FBXL14: variants seen among roughly 807,000 people sequenced by gnomAD.
FBXL14 encodes F-box and leucine rich repeat protein 14.
FBXL14 carries 11 observed loss-of-function variants against 24.5 expected under a neutral mutation model. The ratio of observed to expected loss-of-function variants is 0.45; its 90% confidence interval spans 0.28 to 0.74. The LOEUF is 0.74. Among genes scored for constraint, FBXL14 ranks in the 30% least tolerant of loss-of-function variants. The pLI, the probability that FBXL14 is intolerant of heterozygous loss-of-function variation, is 0.12. For missense variants in FBXL14, 384 were observed against 545.6 expected (o/e 0.70, Z 2.95); for synonymous variants, 294 against 240.4 (o/e 1.22, Z -2.06).
chr12:1,569,999 A>C lies in FBXL14; in HGVS notation c.1195-3189T>G, dbSNP rs997547184. ...CTTTTCAGACAAGAAGGAGGCTTTT[A>C]TGAGGTTCAGATTCTTCCTAAGAGA... On this transcript the variant is annotated intron_variant, in intron 1 of 1. Coordinates refer to ENST00000339235, the MANE Select transcript of FBXL14 (RefSeq NM_152441.3). The surrounding 1 kb of genome is among the most constrained non-coding windows in gnomAD (Gnocchi z 4.2). Among the ~76,000 whole-genome samples, 1 of 152,196 alleles carries C rather than the reference A, an allele frequency of 6.6e-6. No individual in the cohort carries two copies. Among genetic ancestry groups the C allele is most frequent in the Non-Finnish European group, 1.5e-5 (1 of 68,038 alleles).
At chr12:1,576,418 A>G (rs142928635) in intron 1 of FBXL14, among the ~76,000 whole-genome samples, 156 of 152,240 alleles carry the variant, frequency 1.0e-3, no homozygotes, top group African/African-American at 3.3e-3. Context: ...GTGGGGAGAG[A>G]CCACGAGGGC....
At chr12:1,580,323 C>A (rs1040275655) in intron 1 of FBXL14, among the ~76,000 whole-genome samples, 5 of 152,168 alleles carry the variant, frequency 3.3e-5, no homozygotes, top group Admixed American at 3.3e-4. Context: ...GGATCCCGTT[C>A]AATAGCGGTT....
chr12:1,590,395 A>G (rs1277924459), intron 1 of FBXL14, among the ~76,000 whole-genome samples: 1 of 152,166 alleles, frequency 6.6e-6, no homozygotes, highest in Non-Finnish European at 1.5e-5. Flanking sequence ...GATCCAGGAA[A>G]GTTTTATACT....
At position 1,566,577 on chromosome 12, in the gene FBXL14, A is replaced by G; in HGVS notation, c.*171T>C. ...TGTCCCCAGAACTGGAGAAACCGGC[A>G]GGAGAATGCAGCTTCACAAGGTACC... On this transcript the variant is annotated 3_prime_UTR_variant, in exon 2 of 2. Transcript: ENST00000339235. The G allele has an allele frequency of 1.7e-6, 1 of 596,988 alleles. No individual in the cohort carries two copies. The allele number at this position is 596,988 out of a possible 1,614,324, so 37.0% of individuals were successfully genotyped here. A position where few individuals can be genotyped will look rare whatever the true frequency, so the allele number is the denominator to read the frequency against.
At chr12:1,587,595 T>C (rs1412331427) in intron 1 of FBXL14, 1 of 152,236 alleles carries the variant, frequency 6.6e-6, no homozygotes, top group African/African-American at 2.4e-5. Context: ...TTACCAATTG[T>C]CTAGAAATTC....
chr12:1,593,695 C>G lies in FBXL14; in HGVS notation c.372G>C (p.Leu124=), dbSNP rs753796747. ...TGTCAGTGATCTGCTTGCAGAGGCT[C>G]AGGTTGAGAGCGCGCAGGGAGCCGA... The part of the protein sequence containing the change: ...QEIGSLRALN[L]SLCKQITDSS... The change falls in exon 1 of 2, where the codon CTG becomes CTC. Residue 124 remains leucine (L), a synonymous_variant. Coordinates refer to ENST00000339235, the MANE Select transcript of FBXL14 (RefSeq NM_152441.3). The surrounding 1 kb of genome is among the most constrained non-coding windows in gnomAD (Gnocchi z 7.4). The G allele has an allele frequency of 9.3e-6, 15 of 1,614,160 alleles. No individual in the cohort carries two copies. Among genetic ancestry groups the G allele is most frequent in the Non-Finnish European group, 1.1e-5 (13 of 1,180,032 alleles).
chr12:1,590,581 T>A (rs2094487226), intron 1 of FBXL14, among the ~76,000 whole-genome samples: 1 of 152,176 alleles, frequency 6.6e-6, no homozygotes, highest in African/African-American at 2.4e-5. Flanking sequence ...CAAAGGGAAC[T>A]CTTGCTGGAA....
chr12:1,591,988 A>G (rs1221658740), intron 1 of FBXL14, among the ~76,000 whole-genome samples: 1 of 152,046 alleles, frequency 6.6e-6, no homozygotes, highest in Non-Finnish European at 1.5e-5. Flanking sequence ...AAGGAGAAAA[A>G]GGAAATTATA....
intron 1 of FBXL14, among the ~76,000 whole-genome samples, chr12:1,581,154 C>A (rs1191792647): frequency 6.6e-6 from 1 of 151,836 alleles, no homozygotes; most frequent in Non-Finnish European, 1.5e-5. Flanking sequence ...ACAGGAAATT[C>A]AGAAACTGGG....
At chr12:1,588,241 G>A (rs1008554731) in intron 1 of FBXL14, among the ~76,000 whole-genome samples, 8 of 151,988 alleles carry the variant, frequency 5.3e-5, no homozygotes, top group African/African-American at 1.9e-4. Flanking sequence ...ACTTGAATTC[G>A]AATTCTCTAA....
chr12:1,582,596 TA>T (rs2094468872), intron 1 of FBXL14, among the ~76,000 whole-genome samples: 4 of 152,246 alleles, frequency 2.6e-5, no homozygotes, highest in Non-Finnish European at 5.9e-5. Context: ...TCTGCTTTCA[TA>T]AGACCTTCAC....
chr12:1,571,718 C>A (rs1157037812), intron 1 of FBXL14, among the ~76,000 whole-genome samples: 1 of 152,180 alleles, frequency 6.6e-6, no homozygotes, highest in Admixed American at 6.5e-5. Context: ...CTAGATTTCT[C>A]ACCAGCAAGG....
intron 1 of FBXL14, among the ~76,000 whole-genome samples, chr12:1,576,951 T>C (rs546015441): frequency 4.6e-5 from 7 of 152,266 alleles, no homozygotes; most frequent in Non-Finnish European, 1.0e-4. Context: ...ATTGTGAAAC[T>C]GCTGCAATGC....
At chr12:1,571,499 C>T (rs916181788) in intron 1 of FBXL14, among the ~76,000 whole-genome samples, 7 of 152,296 alleles carry the variant, frequency 4.6e-5, no homozygotes, top group South Asian at 2.1e-4. Context: ...TGAGCCACCG[C>T]GCCCAGCCAG....
rs559883431 is a variant in FBXL14 at position 1,594,146 on chromosome 12, G to A, written c.-80C>T. On this transcript the variant is annotated 5_prime_UTR_variant, in exon 1 of 2. Transcript: ENST00000339235. ...CCGGCCTCGGGCAGGCGACGAGAGC[G>A]CTTCTCCCCAGCCGCCGCCGCCGCC... 492 of 1,140,838 alleles carry A rather than the reference G, an allele frequency of 4.3e-4. No homozygotes were observed. The highest frequency in any genetic ancestry group is 5.1e-4 in the Non-Finnish European group (470 of 917,890). The allele number at this position is 1,140,838 out of a possible 1,614,324, so 70.7% of individuals were successfully genotyped here.
At position 1,593,763 on chromosome 12, in the gene FBXL14, T is replaced by G. The variant is rs117331652; in HGVS notation, c.304A>C (p.Asn102His). The change falls in exon 1 of 2, where the codon AAC (asparagine) becomes CAC (histidine). Residue 102 changes from asparagine (N) to histidine (H), a missense_variant. Transcript: ENST00000339235. The surrounding 1 kb of genome is among the most constrained non-coding windows in gnomAD (Gnocchi z 7.4). The part of the protein sequence containing the change: ...IESLNLSGCY[N>H]LTDNGLGHAF... The stretch of plus-strand genomic sequence containing the variant: ...TGGCCCAGCCCGTTGTCGGTGAGGT[T>G]GTAGCAGCCGCTGAGGTTGAGGCTC... The G allele has an allele frequency of 4.6e-3, 7,502 of 1,614,136 alleles. 29 individuals carry two copies. Among genetic ancestry groups the G allele is most frequent in the Non-Finnish European group, 5.9e-3 (6,963 of 1,180,020 alleles).
intron 1 of FBXL14, chr12:1,587,323 G>A (rs867641073): frequency 2.6e-5 from 4 of 151,594 alleles, no homozygotes; most frequent in Admixed American, 2.0e-4. Flanking sequence ...AAGAAAATAT[G>A]TGCACTTTTC....
At chr12:1,573,110 T>G (rs763264226) in intron 1 of FBXL14, among the ~76,000 whole-genome samples, 3 of 152,084 alleles carry the variant, frequency 2.0e-5, no homozygotes, top group Non-Finnish European at 4.4e-5. Flanking sequence ...AATAGTTGGG[T>G]CTGTGGGTCC....
chr12:1,567,218 T>A lies in FBXL14; in HGVS notation c.1195-408A>T, dbSNP rs1044162426. ...TGGCTGACGCCTGTAATCCCAGCAC[T>A]TTGGGAGGTCGAAGCGGGCGGATCA... On this transcript the variant is annotated intron_variant, in intron 1 of 1. Coordinates refer to ENST00000339235, the MANE Select transcript of FBXL14 (RefSeq NM_152441.3). This position sits in a 1 kb window ranked among gnomAD's most constrained non-coding sequence, Gnocchi z 4.8. Among the ~76,000 whole-genome samples the A allele has an allele frequency of 1.3e-5, 2 of 151,836 alleles. No homozygotes were observed. Among genetic ancestry groups the A allele is most frequent in the African/African-American group, 4.8e-5 (2 of 41,320 alleles).
Sources: allele counts gnomAD v4.1 joint callset (sites outside exome capture counted in the v4.1 genomes callset), GRCh38; gene constraint gnomAD v4.1.1; non-coding constraint Gnocchi (gnomAD v3.1); transcripts MANE v1.5; gene names NCBI Gene and HGNC (gene_info 2026-07-23, HGNC 2026-07-21).